The following MYRFL variants were observed in gnomAD, a reference collection of about 807,000 sequenced individuals.
The protein encoded by MYRFL is myelin regulatory factor like.
A neutral mutation model predicts 109.4 loss-of-function variants in MYRFL; 88 were observed. The observed-to-expected ratio is 0.80, with a 90% CI of 0.68 to 0.96. The LOEUF (loss-of-function observed/expected upper bound fraction) is 0.96. Among genes scored for constraint, MYRFL ranks in the 40% least tolerant of loss-of-function variants. The pLI, the probability that MYRFL is intolerant of heterozygous loss-of-function variation, is 0.00. For missense variants in MYRFL, 957 were observed against 954.9 expected (o/e 1.00, Z -0.03); for synonymous variants, 324 against 320.9 (o/e 1.01, Z -0.10).
At chr12:69,879,759 T>A (rs1388148269) in intron 4 of MYRFL, among the ~76,000 whole-genome samples, 1 of 152,230 alleles carries the variant, frequency 6.6e-6, no homozygotes, top group Non-Finnish European at 1.5e-5. Flanking sequence ...CCAAAGGGAT[T>A]GTGAATGAGC....
At chr12:69,845,441 A>G (rs954586291) in intron 1 of MYRFL, among the ~76,000 whole-genome samples, 2 of 152,366 alleles carry the variant, frequency 1.3e-5, no homozygotes, top group Non-Finnish European at 1.5e-5. Flanking sequence ...ATTTCTGACC[A>G]TCTAAATCTC....
chr12:69,958,338 T>G lies in MYRFL; in HGVS notation c.2646+15T>G. Reference sequence around the variant, plus strand: ...TAGCTGCACCGGTAAGCTTGCTTTTTCTTTTTCTTTTCAGTGAGAAAGAAA... The same window carrying G: ...TAGCTGCACCGGTAAGCTTGCTTTTGCTTTTTCTTTTCAGTGAGAAAGAAA... On this transcript the variant is annotated intron_variant, in intron 24 of 24. Coordinates refer to ENST00000552032, the MANE Select transcript of MYRFL (RefSeq NM_182530.3). 6.5e-7 allele frequency: 1 copy of G among 1,533,270 alleles called. No homozygotes were observed. Among genetic ancestry groups the G allele is most frequent in the Non-Finnish European group, 8.7e-7 (1 of 1,145,952 alleles). The allele number at this position is 1,533,270 out of a possible 1,614,324, so 95.0% of individuals were successfully genotyped here. A position where few individuals can be genotyped will look rare whatever the true frequency, so the allele number is the denominator to read the frequency against.
intron 1 of MYRFL, among the ~76,000 whole-genome samples, chr12:69,827,961 A>G (rs1882392837): frequency 6.6e-6 from 1 of 152,080 alleles, no homozygotes; most frequent in South Asian, 2.1e-4. Flanking sequence ...GATTATGAAG[A>G]TTTTTATTTT....
intron 2 of MYRFL, among the ~76,000 whole-genome samples, chr12:69,857,624 T>A (rs1565975099): frequency 6.6e-6 from 1 of 151,874 alleles, no homozygotes; most frequent in African/African-American, 2.4e-5. Flanking sequence ...ATATTTCATG[T>A]TCTTCTTTGA....
At position 69,828,229 on chromosome 12, in the gene MYRFL, A is replaced by G. The variant is rs1434595636; in HGVS notation, c.46+2666A>G. ...TTGCCCCTTTCAGTGTGGTAGAGCT[A>G]TGTTAAAACTCTGTAAATTGCAGGT... On this transcript the variant is annotated intron_variant, in intron 1 of 24. Transcript: ENST00000552032. 3.9e-5 allele frequency among the ~76,000 whole-genome samples: 6 copies of G among 152,246 alleles called. No homozygotes were observed. In the East Asian group the frequency reaches 9.6e-4, roughly 24 times the overall value.
intron 19 of MYRFL, among the ~76,000 whole-genome samples, chr12:69,944,528 C>G (rs980547049): frequency 6.9e-4 from 85 of 122,622 alleles, no homozygotes; most frequent in Non-Finnish European, 1.6e-4. Context: ...ACTCTGAGGA[C>G]TGTTGTGGGG....
At chr12:69,921,015 T>A (rs1954894849) in intron 13 of MYRFL, among the ~76,000 whole-genome samples, 1 of 152,216 alleles carries the variant, frequency 6.6e-6, no homozygotes, top group African/African-American at 2.4e-5. Flanking sequence ...CAAGCTGGTT[T>A]AATCATTTTT....
intron 2 of MYRFL, among the ~76,000 whole-genome samples, chr12:69,860,615 C>T (rs930797471): frequency 2.0e-5 from 3 of 151,530 alleles, no homozygotes; most frequent in Admixed American, 2.0e-4. Flanking sequence ...ATGTTCATCC[C>T]CTCTGCTTCT....
intron 10 of MYRFL, among the ~76,000 whole-genome samples, chr12:69,901,996 T>G (rs1044985327): frequency 6.6e-6 from 1 of 151,282 alleles, no homozygotes; most frequent in African/African-American, 2.4e-5. Flanking sequence ...TGAGTTAAAG[T>G]GATCCTCCTG....
rs1956071096 is a variant in MYRFL, at chr12:69,955,436, A to C, written c.2449A>C (p.Asn817His). ...PTNVKFSLEI[N>H]TTEPLIVFQC... ...CAATGTCAAGTTCTCTCTGGAAATAAAGTAAGTGCATGGCTGTAAAAAACA... is the reference window on the plus strand; with the variant it reads ...CAATGTCAAGTTCTCTCTGGAAATACAGTAAGTGCATGGCTGTAAAAAACA... Residue 817 changes from asparagine (N) to histidine (H), a missense_variant and splice_region_variant, in exon 22 of 25, where the codon AAC becomes CAC. Asn to His is a moderately conservative substitution (Grantham distance 68, BLOSUM62 1). Coordinates refer to ENST00000552032, the MANE Select transcript of MYRFL (RefSeq NM_182530.3). The C allele has an allele frequency of 1.6e-6, 1 of 634,536 alleles. No homozygotes were observed. The highest frequency in any genetic ancestry group is 1.8e-5 in the African/African-American group (1 of 54,072). The allele number at this position is 634,536 out of a possible 1,614,324, so 39.3% of individuals were successfully genotyped here.
chr12:69,842,274 A>G (rs1024584771), intron 1 of MYRFL, among the ~76,000 whole-genome samples: 1 of 152,236 alleles, frequency 6.6e-6, no homozygotes, highest in Non-Finnish European at 1.5e-5. Context: ...TTTCAGAATT[A>G]TAAACCTAAT....
intron 21 of MYRFL, among the ~76,000 whole-genome samples, chr12:69,954,952 AG>A (rs1209103358): frequency 6.6e-6 from 1 of 152,182 alleles, no homozygotes; most frequent in Non-Finnish European, 1.5e-5. Flanking sequence ...GGAGTGATTT[AG>A]GGTAGAAAAA....
intron 2 of MYRFL, 25 bp from the exon 3 acceptor site, chr12:69,879,003 C>T (rs75388650): frequency 0.053 from 37,249 of 702,784 alleles, 1,105 homozygotes; most frequent in South Asian, 0.07. Flanking sequence ...GAAACAAAAA[C>T]GCAATGTATG....
Position 69,926,690 on chromosome 12 carries a change from G to T in MYRFL, c.1722G>T (p.Arg574=). ...ACAGAAAGCTGGCCCGGCTAAAGCG[G>T]CTCAGTAGTTGGAAGTCATCAGCCA... ...IWNRKLARLK[R]LSSWKSSASE... Residue 574 remains arginine (R), a synonymous_variant, in exon 14 of 25, where the codon CGG becomes CGT. Coordinates refer to ENST00000552032, the MANE Select transcript of MYRFL (RefSeq NM_182530.3). The T allele has an allele frequency of 6.6e-7, 1 of 1,518,062 alleles. No homozygotes were observed. Among genetic ancestry groups the T allele is most frequent in the Non-Finnish European group, 8.8e-7 (1 of 1,136,580 alleles). The allele number at this position is 1,518,062 out of a possible 1,614,324, so 94.0% of individuals were successfully genotyped here. A position where few individuals can be genotyped will look rare whatever the true frequency, so the allele number is the denominator to read the frequency against.
chr12:69,937,438 C>T (rs948812913), intron 19 of MYRFL, among the ~76,000 whole-genome samples: 1 of 152,140 alleles, frequency 6.6e-6, no homozygotes, highest in Non-Finnish European at 1.5e-5. Flanking sequence ...TTCTGAGTCA[C>T]TCTATATATT....
chr12:69,920,301 A>G (rs753752294), intron 13 of MYRFL, among the ~76,000 whole-genome samples: 1 of 152,150 alleles, frequency 6.6e-6, no homozygotes, highest in African/African-American at 2.4e-5. Flanking sequence ...AATATGAAAA[A>G]GGAATTTGGA....
chr12:69,943,620 T>A (rs929290915), intron 19 of MYRFL, among the ~76,000 whole-genome samples: 1 of 151,366 alleles, frequency 6.6e-6, no homozygotes, highest in Non-Finnish European at 1.5e-5. Flanking sequence ...GACATAGGCA[T>A]GGGCAAGGAC....
intron 2 of MYRFL, among the ~76,000 whole-genome samples, chr12:69,876,970 A>G (rs1885699564): frequency 7.3e-6 from 1 of 137,674 alleles, no homozygotes; most frequent in Non-Finnish European, 1.6e-5. Context: ...AGGTAGCTTT[A>G]CAGGGTGGGG....
rs1227537798 is a variant in MYRFL at position 69,897,169 on chromosome 12, G to C, written c.1105G>C (p.Val369Leu). The stretch of plus-strand genomic sequence containing the variant: ...TCTCTGAATTAGATACTTCATGTTG[G>C]TGGTTGGACTGTATGCTGCTAACCA... ...PNPDQRYFML[V>L]VGLYAANQDQ... The change falls in exon 10 of 25, where the codon GTG (valine) becomes CTG (leucine). Residue 369 changes from valine (V) to leucine (L), a missense_variant. Transcript: ENST00000552032. 6.5e-7 allele frequency: 1 copy of C among 1,535,476 alleles called. No individual in the cohort carries two copies. The highest frequency in any genetic ancestry group is 1.4e-5 in the African/African-American group (1 of 73,128).
Sources: gnomAD v4.1 joint callset for allele counts (sites outside exome capture counted in the v4.1 genomes callset) on GRCh38, gnomAD v4.1.1 for gene constraint, MANE v1.5 for transcripts, NCBI Gene and HGNC (gene_info 2026-07-23, HGNC 2026-07-21) for gene names.